TENM2: variants seen among roughly 807,000 people sequenced by gnomAD.
TENM2 encodes teneurin transmembrane protein 2.
In TENM2, 52 loss-of-function variants were observed where a neutral mutation model predicts 245.2. The ratio of observed to expected loss-of-function variants is 0.21; its 90% CI spans 0.17 to 0.27. TENM2 has a LOEUF of 0.27. Ranked by LOEUF, TENM2 falls within the 10% of genes least tolerant of loss-of-function variation. The probability of loss-of-function intolerance (pLI) is 1.00; values close to 1 mark genes in which losing one functional copy is unlikely to be tolerated. For missense variants in TENM2, 3,046 were observed against 3,666.8 expected (o/e 0.83, Z 4.37); for synonymous variants, 1,363 against 1,438.9 (o/e 0.95, Z 1.19).
chr5:167,397,624 G>T (rs1209124499), intron 2 of TENM2, among the ~76,000 whole-genome samples: 1 of 152,028 alleles, frequency 6.6e-6, no homozygotes, highest in African/African-American at 2.4e-5. Context: ...GAGATTGAGA[G>T]AACCATGGGA....
chr5:167,003,526 G>A, the TENM2 span, among the ~76,000 whole-genome samples: 1 of 152,164 alleles, frequency 6.6e-6, no homozygotes, highest in Non-Finnish European at 1.5e-5. Context: ...CAAATGACCA[G>A]CTTCTGTCTT....
At chr5:167,160,191 ACCT>A in the TENM2 span, among the ~76,000 whole-genome samples, 2 of 152,206 alleles carry the variant, frequency 1.3e-5, no homozygotes, top group Non-Finnish European at 2.9e-5. Context: ...ACAAGAAATC[ACCT>A]CCTCACTGGA....
chr5:167,085,031 TG>T, the TENM2 span, among the ~76,000 whole-genome samples: 1 of 152,238 alleles, frequency 6.6e-6, no homozygotes, highest in Non-Finnish European at 1.5e-5. Flanking sequence ...ATTACTCTTT[TG>T]CATCCTTGAA....
intron 5 of TENM2, chr5:168,033,048 A>G (rs1457069368): frequency 6.6e-6 from 1 of 152,174 alleles, no homozygotes; most frequent in Non-Finnish European, 1.5e-5. Flanking sequence ...AATTGATTAA[A>G]GTTTTTAAAA....
At chr5:167,437,631 A>G (rs1321389646) in intron 2 of TENM2, among the ~76,000 whole-genome samples, 2 of 152,224 alleles carry the variant, frequency 1.3e-5, no homozygotes, top group Admixed American at 1.3e-4. Flanking sequence ...CAAATCTCAT[A>G]TGGAATTGTA....
At chr5:166,994,816 G>A in the TENM2 span, among the ~76,000 whole-genome samples, 1 of 152,130 alleles carries the variant, frequency 6.6e-6, no homozygotes, top group Non-Finnish European at 1.5e-5. Flanking sequence ...GGAACTGTCT[G>A]AGATGAGGCT....
intron 5 of TENM2, among the ~76,000 whole-genome samples, chr5:168,021,775 C>CTTT (rs10563117): frequency 1.4e-5 from 2 of 143,424 alleles, no homozygotes; most frequent in South Asian, 2.2e-4. Context: ...TATTTGAAAT[C>CTTT]TTTTTTTTTT....
intron 12 of TENM2, chr5:168,139,483 G>A (rs1485130733): frequency 6.6e-6 from 3 of 456,302 alleles, no homozygotes; most frequent in South Asian, 1.5e-5. Context: ...TTTTAAGGTG[G>A]AATTACTGGC....
At chr5:167,087,135 G>A in the TENM2 span, among the ~76,000 whole-genome samples, 1 of 152,120 alleles carries the variant, frequency 6.6e-6, no homozygotes, top group East Asian at 1.9e-4. Context: ...CCTCCTTTCT[G>A]TGCACCTGCC....
At chr5:167,161,209 C>A in the TENM2 span, among the ~76,000 whole-genome samples, 1 of 152,164 alleles carries the variant, frequency 6.6e-6, no homozygotes, top group Non-Finnish European at 1.5e-5. Flanking sequence ...CAGCATTTCT[C>A]ACCAGTGTTT....
At chr5:168,217,028 C>T in intron 22 of TENM2, 106 bp downstream of exon 24, 2 of 1,252,542 alleles carry the variant, frequency 1.6e-6, no homozygotes, top group East Asian at 2.3e-5. Flanking sequence ...GGGAGAGATA[C>T]AGATACAGAT....
the TENM2 span, chr5:167,164,949 A>G: frequency 3.3e-5 from 5 of 152,244 alleles, no homozygotes. Context: ...CATTAAAATC[A>G]CGATTATGTA....
intron 2 of TENM2, among the ~76,000 whole-genome samples, chr5:167,593,212 C>T (rs1439976231): frequency 1.3e-5 from 2 of 152,180 alleles, no homozygotes; most frequent in East Asian, 1.9e-4. Flanking sequence ...GATATTGGCT[C>T]TCCCTTCACT....
chr5:168,075,036 C>T (rs1302807683), intron 7 of TENM2, among the ~76,000 whole-genome samples: 1 of 152,094 alleles, frequency 6.6e-6, no homozygotes, highest in African/African-American at 2.4e-5. Context: ...CACCCATCAC[C>T]CAAGCAGTGT....
At chr5:167,976,341 G>A (rs142215074) in intron 4 of TENM2, among the ~76,000 whole-genome samples, 54 of 152,210 alleles carry the variant, frequency 3.5e-4, no homozygotes, top group East Asian at 3.5e-3. Context: ...CGGCTGAGAA[G>A]AAGGGTATAT....
chr5:167,009,785 C>T, the TENM2 span, among the ~76,000 whole-genome samples: 1 of 152,112 alleles, frequency 6.6e-6, no homozygotes, highest in African/African-American at 2.4e-5. Flanking sequence ...AATTGCACTT[C>T]TGAAATGTTG....
intron 5 of TENM2, among the ~76,000 whole-genome samples, chr5:168,014,156 C>T (rs1011160071): frequency 2.6e-5 from 4 of 152,062 alleles, no homozygotes; most frequent in Admixed American, 1.3e-4. Flanking sequence ...TCAGCTTATT[C>T]GTAATACAAG....
chr5:167,185,627 A>T, the TENM2 span, among the ~76,000 whole-genome samples: 14 of 152,110 alleles, frequency 9.2e-5, no homozygotes, highest in Admixed American at 8.5e-4. Flanking sequence ...TTATCTAGTT[A>T]GTCTTATATA....
intron 2 of TENM2, among the ~76,000 whole-genome samples, chr5:167,550,786 G>C (rs1191860697): frequency 1.4e-5 from 2 of 146,708 alleles, no homozygotes; most frequent in African/African-American, 5.0e-5. Flanking sequence ...CTGGAATGCA[G>C]TGGTGTGATC....
Sources: allele counts gnomAD v4.1 joint callset (sites outside exome capture counted in the v4.1 genomes callset), GRCh38; gene constraint gnomAD v4.1.1; transcripts MANE v1.5; gene names NCBI Gene and HGNC (gene_info 2026-07-23, HGNC 2026-07-21).